Variants in NIPBL observed in about 807,000 individuals in gnomAD.
NIPBL encodes nipped-B-like protein.
In NIPBL, 19 loss-of-function variants were observed where a neutral mutation model predicts 321.8. The observed-to-expected ratio is 0.06, with a 90% CI of 0.04 to 0.09. The LOEUF is 0.09. NIPBL is among the 10% of genes least tolerant of loss of function. The pLI, the probability that NIPBL is intolerant of heterozygous loss-of-function variation, is 1.00. For synonymous variants in NIPBL, 1,106 were observed against 1,114.1 expected (o/e 0.99, Z 0.14); for missense variants, 2,210 against 3,327.0 (o/e 0.66, Z 8.26).
intron 8 of NIPBL, 96 bp downstream of exon 8, chr5:36,972,137 G>T: frequency 4.9e-6 from 4 of 816,356 alleles, no homozygotes; most frequent in South Asian, 4.9e-5. Context: ...AAGTTATTCT[G>T]TATTTTTTTT....
intron 10 of NIPBL, among the ~76,000 whole-genome samples, chr5:36,993,507 C>A (rs1274978863): frequency 6.6e-6 from 1 of 152,082 alleles, no homozygotes; most frequent in Non-Finnish European, 1.5e-5. Context: ...GCTCTGGGAA[C>A]ATAATCCATT....
chr5:37,002,350 G>A (rs973177096), intron 14 of NIPBL, among the ~76,000 whole-genome samples: 1 of 152,168 alleles, frequency 6.6e-6, no homozygotes, highest in African/African-American at 2.4e-5. Flanking sequence ...AAGCCAGAGG[G>A]CATGGGAGAC....
At chr5:37,040,885 C>G (rs1579540827) in intron 34 of NIPBL, among the ~76,000 whole-genome samples, 1 of 152,130 alleles carries the variant, frequency 6.6e-6, no homozygotes, top group African/African-American at 2.4e-5. Context: ...AGGAATAATT[C>G]ATTATTGCTT....
Position 36,901,917 on chromosome 5 carries a change from C to T in NIPBL, c.-80+24739C>T, listed in dbSNP as rs553535016. 5.3e-5 allele frequency among the ~76,000 whole-genome samples: 8 copies of T among 152,230 alleles called. No homozygotes were observed. The South Asian group carries it at 1.7e-3, about 32-fold the overall frequency. ...CTTTTCTCCATTGCCTCACTAGCAT[C>T]TGTTATTTTTTGACTTTTTAGAATA... On this transcript the variant is annotated intron_variant, in intron 1 of 46. Coordinates refer to ENST00000282516, the MANE Select transcript of NIPBL (RefSeq NM_133433.4).
intron 32 of NIPBL, among the ~76,000 whole-genome samples, chr5:37,030,462 A>G (rs1750867345): frequency 6.6e-6 from 1 of 152,232 alleles, no homozygotes; most frequent in Admixed American, 6.5e-5. Flanking sequence ...TAGGAAGGAT[A>G]TAAAGAATGG....
intron 1 of NIPBL, among the ~76,000 whole-genome samples, chr5:36,906,928 A>G (rs9292646): frequency 0.042 from 6,393 of 152,248 alleles, 462 homozygotes; most frequent in African/African-American, 0.15. Context: ...AAGATACACT[A>G]CATTGTAACT....
intron 6 of NIPBL, among the ~76,000 whole-genome samples, chr5:36,963,027 G>GA (rs1741803937): frequency 1.3e-5 from 2 of 152,000 alleles, no homozygotes; most frequent in African/African-American, 4.8e-5. Context: ...TACAGTAAAG[G>GA]AAAATTAATC....
intron 1 of NIPBL, among the ~76,000 whole-genome samples, chr5:36,893,203 G>T (rs992769573): frequency 6.6e-5 from 10 of 152,104 alleles, no homozygotes; most frequent in African/African-American, 2.4e-4. Flanking sequence ...ACACTATAAT[G>T]AAATCTTGTA....
chr5:36,953,782 AATTT>A (rs760418485), intron 2 of NIPBL, 22 bp downstream of exon 2: 4 of 1,584,346 alleles, frequency 2.5e-6, no homozygotes, highest in Non-Finnish European at 3.5e-6. Context: ...TAATTTATCT[AATTT>A]AAGTTCTACT....
At chr5:36,904,669 A>G (rs1326556145) in intron 1 of NIPBL, among the ~76,000 whole-genome samples, 1 of 152,158 alleles carries the variant, frequency 6.6e-6, no homozygotes, top group Admixed American at 6.5e-5. Flanking sequence ...TGCAGTCATC[A>G]CAAGGTTTGA....
chr5:37,015,356 T>C (rs1429281931), intron 22 of NIPBL, among the ~76,000 whole-genome samples: 1 of 152,060 alleles, frequency 6.6e-6, no homozygotes, highest in Non-Finnish European at 1.5e-5. Flanking sequence ...ACTCCCAACC[T>C]CCGGTGATCT....
At position 37,000,480 on chromosome 5, in the gene NIPBL, A is replaced by C. The variant is rs113698799; in HGVS notation, c.3412A>C (p.Arg1138=). The C allele has an allele frequency of 6.2e-7, 1 of 1,613,504 alleles. No individual in the cohort carries two copies. The highest frequency in any genetic ancestry group is 1.7e-5 in the Admixed American group (1 of 59,958). Residue 1138 remains arginine, a synonymous_variant, in exon 12 of 47, where the codon AGA becomes CGA. Transcript: ENST00000282516. Reference sequence around the variant, plus strand: ...GAGAAGTGGCCACTCTCATGAAGGAAGAAGGAGTTCAGGTGGTGGTCGTTA... The same window carrying C: ...GAGAAGTGGCCACTCTCATGAAGGACGAAGGAGTTCAGGTGGTGGTCGTTA... ...HRRSGHSHEG[R]RSSGGGRYRN...
At chr5:36,919,743 C>T (rs1207419089) in intron 1 of NIPBL, among the ~76,000 whole-genome samples, 1 of 151,994 alleles carries the variant, frequency 6.6e-6, no homozygotes, top group East Asian at 1.9e-4. Flanking sequence ...GCAAATTGAT[C>T]CATATGCATA....
chr5:36,925,996 C>T (rs1749334483), intron 1 of NIPBL, among the ~76,000 whole-genome samples: 1 of 152,174 alleles, frequency 6.6e-6, no homozygotes, highest in Non-Finnish European at 1.5e-5. Flanking sequence ...TACCCATTCT[C>T]AAGTCTAATT....
intron 9 of NIPBL, among the ~76,000 whole-genome samples, chr5:36,979,781 T>C (rs1045798416): frequency 2.0e-5 from 3 of 151,698 alleles, no homozygotes; most frequent in Non-Finnish European, 4.4e-5. Context: ...ATGAAAAAAG[T>C]AATATTACTC....
At chr5:37,052,600 A>C in intron 42 of NIPBL, 34 bp downstream of exon 42, 1 of 1,549,808 alleles carries the variant, frequency 6.5e-7, no homozygotes, top group Non-Finnish European at 8.9e-7. Context: ...TAAGAAAATA[A>C]GTGCTCTAGA....
intron 1 of NIPBL, among the ~76,000 whole-genome samples, chr5:36,884,336 CA>C (rs1260703308): frequency 6.6e-6 from 1 of 152,154 alleles, no homozygotes; most frequent in Non-Finnish European, 1.5e-5. Context: ...TTCCTAAGTT[CA>C]AAATAGATTG....
At chr5:36,889,066 A>G (rs1247613330) in intron 1 of NIPBL, among the ~76,000 whole-genome samples, 2 of 152,156 alleles carry the variant, frequency 1.3e-5, no homozygotes, top group Non-Finnish European at 2.9e-5. Flanking sequence ...CAATTGTTGA[A>G]TAAATGAATT....
intron 1 of NIPBL, among the ~76,000 whole-genome samples, chr5:36,906,763 T>C (rs1288666516): frequency 2.0e-5 from 3 of 152,192 alleles, no homozygotes; most frequent in African/African-American, 7.2e-5. Flanking sequence ...AATCTGAATA[T>C]TGGAGAAAAG....
Sources: allele counts gnomAD v4.1 joint callset (sites outside exome capture counted in the v4.1 genomes callset), GRCh38; gene constraint gnomAD v4.1.1; transcripts MANE v1.5; gene names NCBI Gene and HGNC (gene_info 2026-07-23, HGNC 2026-07-21).